FLACC1: variants seen among roughly 807,000 people sequenced by gnomAD.
FLACC1 encodes the protein flagellum associated containing coiled-coil domains 1, also known as flagellum-associated coiled-coil domain-containing protein 1.
A neutral mutation model predicts 62.8 loss-of-function variants in FLACC1; 66 were observed. That is an observed-to-expected ratio of 1.05 (90% CI 0.86 to 1.29). The LOEUF (loss-of-function observed/expected upper bound fraction) is 1.29. Among genes scored for constraint, FLACC1 ranks in the 50% most tolerant of loss-of-function variants. The pLI is 0.00. For missense variants in FLACC1, 452 were observed against 489.1 expected, an observed-to-expected ratio of 0.92 and a Z score of 0.71; for synonymous variants, 156 against 161.0, an observed-to-expected ratio of 0.97 and a Z score of 0.24.
At chr2:201,303,606 G>C (rs950584960) in intron 11 of FLACC1, among the ~76,000 whole-genome samples, 7 of 152,146 alleles carry the variant, frequency 4.6e-5, no homozygotes, top group African/African-American at 1.4e-4. Flanking sequence ...TGATACCAAA[G>C]CCTGGCAGAG....
chr2:201,321,824 A>G (rs1393872168), intron 9 of FLACC1, among the ~76,000 whole-genome samples: 2 of 151,664 alleles, frequency 1.3e-5, no homozygotes, highest in Admixed American at 1.3e-4. Context: ...CCTCATTGCA[A>G]CTCACTCCTC....
chr2:201,289,104 C>G (rs1294475495), intron 14 of FLACC1, among the ~76,000 whole-genome samples: 1 of 152,152 alleles, frequency 6.6e-6, no homozygotes, highest in Non-Finnish European at 1.5e-5. Flanking sequence ...GAACCAGAAG[C>G]AGCTGCATGT....
At chr2:201,330,945 C>A in intron 7 of FLACC1, 112 bp from the exon 8 acceptor site, 64 of 599,420 alleles carry the variant, frequency 1.1e-4, no homozygotes, top group Non-Finnish European at 1.5e-4. Flanking sequence ...GAGGTTCTCA[C>A]TTTTTTATTT....
At chr2:201,334,718 G>T (rs746130820) in intron 7 of FLACC1, among the ~76,000 whole-genome samples, 1 of 151,666 alleles carries the variant, frequency 6.6e-6, no homozygotes, top group Non-Finnish European at 1.5e-5. Context: ...AGGAGGTGGT[G>T]GTTGTGGTGA....
chr2:201,291,238 T>A (rs1295585981), intron 12 of FLACC1, among the ~76,000 whole-genome samples: 1 of 152,160 alleles, frequency 6.6e-6, no homozygotes, highest in African/African-American at 2.4e-5. Flanking sequence ...CTCAAGTGGG[T>A]CCCTGACCCC....
chr2:201,302,842 AC>A (rs2125551984), intron 11 of FLACC1, among the ~76,000 whole-genome samples: 1 of 152,360 alleles, frequency 6.6e-6, no homozygotes, highest in South Asian at 2.1e-4. Flanking sequence ...TGGGTACATA[AC>A]AAAATGAAGG....
At chr2:201,341,535 G>GTATATA (rs544015887) in intron 7 of FLACC1, among the ~76,000 whole-genome samples, 3 of 148,368 alleles carry the variant, frequency 2.0e-5, no homozygotes, top group African/African-American at 7.4e-5. Context: ...TTATATGTAT[G>GTATATA]TATATATATA....
rs1269570927 is a variant in FLACC1, at chr2:201,309,256, G to A, written c.676-6C>T. 2 of 1,603,452 alleles carry A rather than the reference G, an allele frequency of 1.2e-6. No homozygotes were observed. Among genetic ancestry groups the A allele is most frequent in the Non-Finnish European group, 1.7e-6 (2 of 1,170,774 alleles). ...ATTTCATCATAAATACTGTCCTGGG[G>A]AGGTACAAAGGCACCATGAAGAAAA... On this transcript the variant is annotated splice_region_variant and splice_polypyrimidine_tract_variant and intron_variant, in intron 9 of 14. Coordinates refer to ENST00000392257, the MANE Select transcript of FLACC1 (RefSeq NM_001127391.3).
At chr2:201,288,924 TAGTG>T (rs1949658139) in intron 14 of FLACC1, 143 bp from the exon 15 acceptor site, 2 of 965,160 alleles carry the variant, frequency 2.1e-6, no homozygotes, top group African/African-American at 3.3e-5. Flanking sequence ...GTTTTGAATT[TAGTG>T]AGGTATGGTG....
intron 9 of FLACC1, among the ~76,000 whole-genome samples, chr2:201,323,174 G>T (rs1425694741): frequency 6.6e-6 from 1 of 152,184 alleles, no homozygotes; most frequent in South Asian, 2.1e-4. Context: ...TTATTTCAGG[G>T]AATAATTGAG....
At chr2:201,353,601 T>C (rs1367662687) in intron 1 of FLACC1, among the ~76,000 whole-genome samples, 7 of 152,186 alleles carry the variant, frequency 4.6e-5, no homozygotes, top group African/African-American at 1.7e-4. Context: ...TTCTTTTCTT[T>C]TTTCTTTTCA....
chr2:201,344,963 A>G (rs1950883397), intron 5 of FLACC1, among the ~76,000 whole-genome samples: 1 of 152,192 alleles, frequency 6.6e-6, no homozygotes, highest in South Asian at 2.1e-4. Context: ...ACAGGAGGAG[A>G]CAGTTCAAGG....
intron 9 of FLACC1, among the ~76,000 whole-genome samples, chr2:201,310,547 C>G (rs963147039): frequency 6.6e-5 from 10 of 152,200 alleles, no homozygotes; most frequent in African/African-American, 2.2e-4. Flanking sequence ...TCTTAACTCT[C>G]TTCATCTACC....
chr2:201,319,430 C>T (rs1470879556), intron 9 of FLACC1, among the ~76,000 whole-genome samples: 1 of 152,078 alleles, frequency 6.6e-6, no homozygotes, highest in African/African-American at 2.4e-5. Flanking sequence ...CTAGGAAACA[C>T]CATTCTGAAC....
intron 11 of FLACC1, among the ~76,000 whole-genome samples, chr2:201,302,561 C>T (rs1950008000): frequency 6.6e-6 from 1 of 152,204 alleles, no homozygotes. Context: ...GAATTGAACT[C>T]AGCTCTGCAC....
At position 201,351,275 on chromosome 2, in the gene FLACC1, TC is replaced by T. The variant is rs1559423367; in HGVS notation, c.113+16del. ...TCCCAAGGTCCCTGTGCCTACCCCA[TC>T]CCAGATAATTCTTACTTGGAACTCC... On this transcript the variant is annotated intron_variant, in intron 2 of 14. Coordinates refer to ENST00000392257, the MANE Select transcript of FLACC1 (RefSeq NM_001127391.3). 6.3e-7 allele frequency: 1 copy of T among 1,578,394 alleles called. No homozygotes were observed. The highest frequency in any genetic ancestry group is 1.7e-5 in the Admixed American group (1 of 59,894).
At chr2:201,354,400 G>A (rs1470766318) in intron 1 of FLACC1, among the ~76,000 whole-genome samples, 1 of 152,316 alleles carries the variant, frequency 6.6e-6, no homozygotes, top group African/African-American at 2.4e-5. Flanking sequence ...CTGGGCCAGA[G>A]GCCTGGGACT....
At chr2:201,335,638 G>C (rs1950679607) in intron 7 of FLACC1, among the ~76,000 whole-genome samples, 1 of 151,998 alleles carries the variant, frequency 6.6e-6, no homozygotes. Context: ...TTTTGCTCAG[G>C]ATCATTTTGG....
At chr2:201,293,238 C>T (rs141225312) in intron 12 of FLACC1, among the ~76,000 whole-genome samples, 1,797 of 152,280 alleles carry the variant, frequency 0.012, 79 homozygotes, top group Admixed American at 0.08. Context: ...AGCACCACAT[C>T]GCACATATTC....
Sources: gnomAD v4.1 joint callset for allele counts (sites outside exome capture counted in the v4.1 genomes callset) on GRCh38, gnomAD v4.1.1 for gene constraint, MANE v1.5 for transcripts, NCBI Gene and HGNC (gene_info 2026-07-23, HGNC 2026-07-21) for gene names.